Variants in ELMOD3 observed in about 807,000 individuals in gnomAD.
ELMOD3 encodes ELMO domain containing 3.
Under a neutral mutation model 47.4 loss-of-function variants are expected in ELMOD3, and 36 were observed. That is an observed-to-expected ratio of 0.76 (90% confidence interval 0.58 to 1.00). ELMOD3 has a LOEUF of 1.00. Among genes scored for constraint, ELMOD3 ranks in the 50% least tolerant of loss-of-function variants. The probability of loss-of-function intolerance (pLI) is 0.00; values close to 1 mark genes in which losing one functional copy is unlikely to be tolerated. For synonymous variants in ELMOD3, 149 were observed against 183.5 expected (o/e 0.81, Z 1.52); for missense variants, 404 against 463.8 (o/e 0.87, Z 1.18).
At chr2:85,377,576 G>GCTTCCC in intron 11 of ELMOD3, 102 bp downstream of exon 11, 3 of 1,281,248 alleles carry the variant, frequency 2.3e-6, no homozygotes, top group Non-Finnish European at 1.1e-6. Flanking sequence ...CCAGGAATGG[G>GCTTCCC]CTTCCCCGTC....
At chr2:85,382,939 GAA>G (rs58812415) in intron 11 of ELMOD3, among the ~76,000 whole-genome samples, 62 of 118,600 alleles carry the variant, frequency 5.2e-4, no homozygotes, top group Non-Finnish European at 8.5e-4. Flanking sequence ...CCAGAAGCAG[GAA>G]AAAAAAAAAA....
chr2:85,389,880 C>T, intron 12 of ELMOD3, 53 bp downstream of exon 12: 1 of 1,528,580 alleles, frequency 6.5e-7, no homozygotes, highest in Non-Finnish European at 9.1e-7. Flanking sequence ...CCTTGTTCGT[C>T]CCCACTCTGG....
chr2:85,390,570 G>A, intron 13 of ELMOD3, 190 bp from the exon 14 acceptor site: 1 of 1,550,086 alleles, frequency 6.5e-7, no homozygotes, highest in African/African-American at 1.4e-5. Context: ...GGTAGAGTGT[G>A]TGGTCCCTGT....
chr2:85,380,587 G>A (rs111286788), intron 11 of ELMOD3, among the ~76,000 whole-genome samples: 34 of 152,266 alleles, frequency 2.2e-4, no homozygotes, highest in African/African-American at 8.2e-4. Flanking sequence ...TGCAAGTGGT[G>A]CAATTTTGGC....
At position 85,377,465 on chromosome 2, in the gene ELMOD3, C is replaced by T. The variant is rs202113724; in HGVS notation, c.729C>T (p.His243=). The T allele has an allele frequency of 3.1e-6, 5 of 1,607,458 alleles. No individual in the cohort carries two copies. The South Asian group carries it at 4.5e-5, about 14-fold the overall frequency. Residue 243 remains histidine, a synonymous_variant, in exon 11 of 14, where the codon CAC becomes CAT. Transcript: ENST00000409013. ...AGGAGATTTTCCGCCTGTCTCGTCA[C>T]CACATCCAGGTGAGACTTTGGTGGG... is the stretch of plus-strand genomic sequence containing the variant. ...MAQEIFRLSR[H]HIQQFPFCLM...
chr2:85,368,161 T>A (rs1007750144), intron 6 of ELMOD3: 4 of 154,814 alleles, frequency 2.6e-5, no homozygotes, highest in African/African-American at 9.6e-5. Flanking sequence ...CCGCCTGCCT[T>A]GGCCTCCCAA....
intron 11 of ELMOD3, chr2:85,387,235 A>G (rs1318438239): frequency 1.7e-6 from 2 of 1,158,594 alleles, no homozygotes; most frequent in Non-Finnish European, 2.2e-6. Context: ...GGCAAGTATA[A>G]TAACGACGAA....
At chr2:85,371,402 G>A (rs1460932639) in intron 9 of ELMOD3, 38 bp from the exon 10 acceptor site, 1 of 1,612,942 alleles carries the variant, frequency 6.2e-7, no homozygotes, top group South Asian at 1.1e-5. Context: ...TCCCATGAGG[G>A]GCAATCTGGC....
At chr2:85,362,776 G>T (rs866602438) in intron 5 of ELMOD3, among the ~76,000 whole-genome samples, 11 of 152,192 alleles carry the variant, frequency 7.2e-5, no homozygotes, top group South Asian at 2.1e-4. Context: ...AAACTAGCTG[G>T]GTGTGGTGAT....
rs768081529 is a variant in ELMOD3, at chr2:85,385,715, G to A, written c.739-4036G>A. 3.3e-5 allele frequency among the ~76,000 whole-genome samples: 5 copies of A among 152,292 alleles called. No homozygotes were observed. In the East Asian group the frequency reaches 5.8e-4, roughly 18 times the overall value. Reference sequence around the variant, plus strand: ...CCATGGAAAGGACTCTAGGTTTTACGCTAGGTAAAATGAGGAGGCACTGCA... The same window carrying A: ...CCATGGAAAGGACTCTAGGTTTTACACTAGGTAAAATGAGGAGGCACTGCA... On this transcript the variant is annotated intron_variant, in intron 11 of 13. Coordinates refer to ENST00000409013, the MANE Select transcript of ELMOD3 (RefSeq NM_001135022.2).
chr2:85,385,516 A>G (rs1056145129), intron 11 of ELMOD3, among the ~76,000 whole-genome samples: 12 of 152,220 alleles, frequency 7.9e-5, no homozygotes, highest in African/African-American at 2.9e-4. Flanking sequence ...GAATTTTACA[A>G]GGTAATGTCA....
intron 6 of ELMOD3, among the ~76,000 whole-genome samples, chr2:85,363,512 T>C (rs2104519861): frequency 6.6e-6 from 1 of 152,320 alleles, no homozygotes; most frequent in East Asian, 1.9e-4. Context: ...CGCTTCCCCA[T>C]ACTATATTTA....
chr2:85,362,721 C>T (rs1684068468), intron 5 of ELMOD3, among the ~76,000 whole-genome samples: 1 of 152,086 alleles, frequency 6.6e-6, no homozygotes, highest in Non-Finnish European at 1.5e-5. Flanking sequence ...GAGTTCAAGA[C>T]CAGCCTGGCC....
chr2:85,357,210 A>G lies in ELMOD3; in HGVS notation c.12A>G (p.Lys4=). The G allele has an allele frequency of 6.2e-7, 1 of 1,607,734 alleles. No homozygotes were observed. Among genetic ancestry groups the G allele is most frequent in the Non-Finnish European group, 8.5e-7 (1 of 1,177,048 alleles). Residue 4 remains lysine, a synonymous_variant, in exon 4 of 14, where the codon AAA becomes AAG. Transcript: ENST00000409013. MNE[K]SCSFHSKEEL... is the part of the protein sequence containing the mutation. Reference sequence around the variant, plus strand: ...AATGATTTTGAGTCATGAATGAAAAATCTTGCTCTTTCCATAGTAAAGAAG... The same window carrying G: ...AATGATTTTGAGTCATGAATGAAAAGTCTTGCTCTTTCCATAGTAAAGAAG...
chr2:85,387,945 C>G (rs2104738735), intron 11 of ELMOD3, among the ~76,000 whole-genome samples: 1 of 152,256 alleles, frequency 6.6e-6, no homozygotes, highest in South Asian at 2.1e-4. Context: ...ACACAGAACA[C>G]ACTTCATTCT....
chr2:85,391,111 A>C lies in ELMOD3; in HGVS notation c.*149A>C. 3 of 753,928 alleles carry C rather than the reference A, an allele frequency of 4.0e-6. No homozygotes were observed. The Admixed American group carries it at 8.8e-5, about 22-fold the overall frequency. The allele number at this position is 753,928 out of a possible 1,614,324, so 46.7% of individuals were successfully genotyped here. On this transcript the variant is annotated 3_prime_UTR_variant, in exon 14 of 14. Transcript: ENST00000409013. ...TCCTGGGCTTAGCTGTGGGAAGCCA[A>C]GTACCCTCACCGGCATGGGACATGA...
chr2:85,368,889 C>G, intron 7 of ELMOD3, 135 bp downstream of exon 7: 1 of 862,036 alleles, frequency 1.2e-6, no homozygotes, highest in Non-Finnish European at 1.9e-6. Flanking sequence ...AACTATATAA[C>G]ATAGATTACA....
chr2:85,390,550 G>T lies in ELMOD3; in HGVS notation c.944-210G>T. 3 of 1,568,394 alleles carry T rather than the reference G, an allele frequency of 1.9e-6. No homozygotes were observed. The East Asian group carries it at 6.7e-5, about 35-fold the overall frequency. ...AGTTGGACTATTCAAAGTTGCAATT[G>T]TGCAGACAAGGTAGAGTGTGTGGTC... is the stretch of plus-strand genomic sequence containing the variant. On this transcript the variant is annotated intron_variant, in intron 13 of 13. Coordinates refer to ENST00000409013, the MANE Select transcript of ELMOD3 (RefSeq NM_001135022.2).
intron 11 of ELMOD3, among the ~76,000 whole-genome samples, chr2:85,384,971 A>G (rs978753011): frequency 1.3e-5 from 2 of 152,238 alleles, no homozygotes; most frequent in African/African-American, 4.8e-5. Context: ...AATACATTAT[A>G]GAGTGCTCTA....
Sources: gnomAD v4.1 joint callset for allele counts (sites outside exome capture counted in the v4.1 genomes callset) on GRCh38, gnomAD v4.1.1 for gene constraint, MANE v1.5 for transcripts, NCBI Gene and HGNC (gene_info 2026-07-23, HGNC 2026-07-21) for gene names.